RNF17: variants seen among roughly 807,000 people sequenced by gnomAD.
RNF17 encodes the protein ring finger protein 17, also known as spermatogenesis associated 23.
RNF17 carries 31 observed loss-of-function variants against 200.5 expected under a neutral mutation model. The observed-to-expected ratio is 0.15, with a 90% CI of 0.12 to 0.21. RNF17 has a LOEUF of 0.21. Among genes scored for constraint, RNF17 ranks in the 10% least tolerant of loss-of-function variants. The pLI, the probability that RNF17 is intolerant of heterozygous loss-of-function variation, is 1.00. For missense variants in RNF17, 1,628 were observed against 1,905.1 expected, an observed-to-expected ratio of 0.85 and a Z score of 2.71; for synonymous variants, 606 against 637.8, an observed-to-expected ratio of 0.95 and a Z score of 0.75.
chr13:24,847,983 A>G (rs1023302287), intron 22 of RNF17, among the ~76,000 whole-genome samples: 1 of 152,220 alleles, frequency 6.6e-6, no homozygotes, highest in African/African-American at 2.4e-5. Context: ...TTTAAATGGT[A>G]TCTTATGGAC....
At chr13:24,835,301 G>A (rs1158571817) in intron 18 of RNF17, among the ~76,000 whole-genome samples, 3 of 152,092 alleles carry the variant, frequency 2.0e-5, no homozygotes, top group Non-Finnish European at 4.4e-5. Context: ...GCCCATCGCC[G>A]GTTCCTCCTC....
chr13:24,875,900 C>T (rs570850905), intron 33 of RNF17, among the ~76,000 whole-genome samples: 3 of 152,312 alleles, frequency 2.0e-5, no homozygotes, highest in Non-Finnish European at 2.9e-5. Flanking sequence ...AGCAGGAAAA[C>T]GCCTGGGAAA....
At chr13:24,836,162 C>T (rs1889974711) in intron 18 of RNF17, among the ~76,000 whole-genome samples, 1 of 152,298 alleles carries the variant, frequency 6.6e-6, no homozygotes, top group Non-Finnish European at 1.5e-5. Flanking sequence ...GTTAAACGAC[C>T]AAACCATAGA....
chr13:24,827,758 GAGTCTAAAAA>G (rs1013380222), intron 16 of RNF17, among the ~76,000 whole-genome samples: 2 of 136,492 alleles, frequency 1.5e-5, no homozygotes, highest in Non-Finnish European at 3.2e-5. Context: ...CTCGGTTCTA[GAGTCTAAAAA>G]AGTCCAAGAT....
At chr13:24,876,633 A>G (rs1894883986) in intron 33 of RNF17, among the ~76,000 whole-genome samples, 1 of 142,258 alleles carries the variant, frequency 7.0e-6, no homozygotes, top group Admixed American at 6.9e-5. Flanking sequence ...TGTGAGGTGG[A>G]GTCTCACTTT....
intron 32 of RNF17, 34 bp from the exon 33 acceptor site, chr13:24,874,080 C>A (rs1894596317): frequency 6.3e-7 from 1 of 1,599,146 alleles, no homozygotes; most frequent in Non-Finnish European, 8.5e-7. Context: ...TAATGAAAGA[C>A]AATATGATTT....
chr13:24,815,021 G>T (rs1172110375), intron 15 of RNF17, among the ~76,000 whole-genome samples: 1 of 152,150 alleles, frequency 6.6e-6, no homozygotes, highest in African/African-American at 2.4e-5. Flanking sequence ...GAGAAGGTGT[G>T]TGTATGTAAT....
At position 24,830,524 on chromosome 13, in the gene RNF17, C is replaced by T. The variant is rs1889268502; in HGVS notation, c.2286C>T (p.Asp762=). 6.2e-7 allele frequency: 1 copy of T among 1,610,674 alleles called. No homozygotes were observed. Among genetic ancestry groups the T allele is most frequent in the African/African-American group, 1.3e-5 (1 of 74,746 alleles). The change falls in exon 17 of 36, where the codon GAC becomes GAT. Residue 762 remains aspartate, a synonymous_variant. Transcript: ENST00000255324. ...AGGAAGTTGAAGTTAAATATGTGGA[C>T]TTTGGTAATACTGCAAAAATAACAA... is the stretch of plus-strand genomic sequence containing the variant. The part of the protein sequence containing the change: ...GHQEVEVKYV[D]FGNTAKITIK...
chr13:24,813,121 G>A (rs1214422174), intron 15 of RNF17, among the ~76,000 whole-genome samples: 1 of 152,092 alleles, frequency 6.6e-6, no homozygotes, highest in Middle Eastern at 3.4e-3. Context: ...AGCCATTCCA[G>A]TCATCCATTT....
intron 16 of RNF17, among the ~76,000 whole-genome samples, chr13:24,830,270 A>G (rs1889239537): frequency 6.6e-6 from 1 of 152,172 alleles, no homozygotes; most frequent in African/African-American, 2.4e-5. Flanking sequence ...TATCCTTTGA[A>G]TATTTAAAGC....
chr13:24,771,688 A>G (rs1880725769), intron 2 of RNF17, among the ~76,000 whole-genome samples: 2 of 148,206 alleles, frequency 1.3e-5, no homozygotes, highest in African/African-American at 5.0e-5. Flanking sequence ...AAAGTTATAT[A>G]TATATATCTT....
rs188201889 is a variant in RNF17, at chr13:24,772,248, G to A, written c.226-2565G>A. Reference sequence around the variant, plus strand: ...AGCACATAGTGTTTTAATTATTACAGTAGTGTTATAATAGTCTTATTAATT... The same window carrying A: ...AGCACATAGTGTTTTAATTATTACAATAGTGTTATAATAGTCTTATTAATT... On this transcript the variant is annotated intron_variant, in intron 2 of 35. Coordinates refer to ENST00000255324, the MANE Select transcript of RNF17 (RefSeq NM_031277.3). Among the ~76,000 whole-genome samples the A allele has an allele frequency of 3.8e-3, 580 of 152,194 alleles. 1 individual carries two copies. The highest frequency in any genetic ancestry group is 7.6e-3 in the Admixed American group (116 of 15,294).
chr13:24,834,693 G>A (rs1233782040), intron 18 of RNF17, among the ~76,000 whole-genome samples: 2 of 152,166 alleles, frequency 1.3e-5, no homozygotes, highest in African/African-American at 4.8e-5. Flanking sequence ...AGCTCACTGG[G>A]CCCCCAAGCA....
downstream of RNF17, chr13:24,883,946 A>ACAT (rs773439514): frequency 9.3e-6 from 15 of 1,613,968 alleles, no homozygotes; most frequent in Admixed American, 1.7e-5. Flanking sequence ...TTTTCTGTGA[A>ACAT]CATAATGTTG....
chr13:24,764,209 G>C lies in RNF17; in HGVS notation c.6G>C (p.Ala2=). M[A]AEASKTGPSR... ...TCCAGAAGAAAGAGACAGCGATGGC[G>C]GCAGAGGCTTCGAAGACTGGGCCTT... Residue 2 remains alanine, a synonymous_variant, in exon 1 of 36, where the codon GCG becomes GCC. Transcript: ENST00000255324. 3 of 1,592,284 alleles carry C rather than the reference G, an allele frequency of 1.9e-6. No homozygotes were observed. Among genetic ancestry groups the C allele is most frequent in the South Asian group, 2.2e-5 (2 of 89,742 alleles).
At chr13:24,887,887 C>A in the RNF17 span, among the ~76,000 whole-genome samples, 3 of 152,126 alleles carry the variant, frequency 2.0e-5, no homozygotes, top group South Asian at 2.1e-4. Context: ...TGCTGCAAGT[C>A]TTCTGTCTCC....
At chr13:24,850,583 A>G in intron 23 of RNF17, 140 bp downstream of exon 23, 1 of 575,082 alleles carries the variant, frequency 1.7e-6, no homozygotes, top group Non-Finnish European at 3.1e-6. Context: ...TCAAAGTATA[A>G]GAGGCATATA....
intron 18 of RNF17, among the ~76,000 whole-genome samples, chr13:24,835,874 A>G (rs779348963): frequency 5.3e-5 from 8 of 152,226 alleles, no homozygotes; most frequent in Non-Finnish European, 1.0e-4. Flanking sequence ...TAAGCTAATC[A>G]GGGAGAAAGG....
At chr13:24,816,975 G>A (rs186486308) in intron 15 of RNF17, among the ~76,000 whole-genome samples, 14 of 152,290 alleles carry the variant, frequency 9.2e-5, no homozygotes, top group African/African-American at 3.1e-4. Flanking sequence ...AGAGAGACCC[G>A]AAGACCAAGT....
Sources: allele counts gnomAD v4.1 joint callset (sites outside exome capture counted in the v4.1 genomes callset), GRCh38; gene constraint gnomAD v4.1.1; transcripts MANE v1.5; gene names NCBI Gene and HGNC (gene_info 2026-07-23, HGNC 2026-07-21).